AUTS2: variants seen among roughly 807,000 people sequenced by gnomAD.
AUTS2 encodes the protein activator of transcription and developmental regulator AUTS2.
A neutral mutation model predicts 112.4 loss-of-function variants in AUTS2; 17 were observed. The observed-to-expected ratio is 0.15, with a 90% CI of 0.10 to 0.23. The LOEUF (loss-of-function observed/expected upper bound fraction) is 0.23, where lower values mean the gene tolerates loss of function less well. Among genes scored for constraint, AUTS2 ranks in the 10% least tolerant of loss-of-function variants. AUTS2 has a pLI of 1.00. For missense variants in AUTS2, 1,510 were observed against 1,701.6 expected, an observed-to-expected ratio of 0.89 and a Z score of 1.98; for synonymous variants, 751 against 702.7, an observed-to-expected ratio of 1.07 and a Z score of -1.09.
intron 1 of AUTS2, among the ~76,000 whole-genome samples, chr7:69,635,881 T>G (rs1052991949): frequency 6.6e-6 from 1 of 152,250 alleles, no homozygotes; most frequent in African/African-American, 2.4e-5. Flanking sequence ...GAATCCTTTT[T>G]TGTGTGTGCC....
chr7:70,486,927 G>A (rs1283461107), intron 5 of AUTS2, among the ~76,000 whole-genome samples: 2 of 145,684 alleles, frequency 1.4e-5, no homozygotes, highest in Admixed American at 7.0e-5. Flanking sequence ...AGAAGAAAAG[G>A]TTGCATATCA....
At chr7:70,729,371 A>C (rs568184048) in intron 6 of AUTS2, 33 of 256,884 alleles carry the variant, frequency 1.3e-4, no homozygotes, top group Non-Finnish European at 2.4e-4. Context: ...TTACTTCCCC[A>C]GGGGTCTCCT....
At chr7:70,227,746 T>C (rs1017733155) in intron 4 of AUTS2, among the ~76,000 whole-genome samples, 4 of 152,260 alleles carry the variant, frequency 2.6e-5, no homozygotes, top group Admixed American at 1.3e-4. Flanking sequence ...TTTGTGAATT[T>C]CCCAGATTTT....
chr7:69,624,931 C>G (rs1367154897), intron 1 of AUTS2, among the ~76,000 whole-genome samples: 1 of 120,946 alleles, frequency 8.3e-6, no homozygotes, highest in South Asian at 3.4e-4. Context: ...CCTCGGTGCC[C>G]CCGCCCCCCA....
At chr7:70,510,044 G>A (rs1242212689) in intron 5 of AUTS2, among the ~76,000 whole-genome samples, 1 of 152,124 alleles carries the variant, frequency 6.6e-6, no homozygotes, top group African/African-American at 2.4e-5. Context: ...TTGAAGGCTG[G>A]AAGTCCTCTA....
chr7:69,882,243 G>A (rs1371367598), intron 1 of AUTS2, among the ~76,000 whole-genome samples: 1 of 151,242 alleles, frequency 6.6e-6, no homozygotes, highest in Non-Finnish European at 1.5e-5. Context: ...AGGCTGAGGT[G>A]AAAGAATTGA....
At chr7:69,988,294 G>A (rs1798595451) in intron 2 of AUTS2, among the ~76,000 whole-genome samples, 1 of 152,086 alleles carries the variant, frequency 6.6e-6, no homozygotes, top group Non-Finnish European at 1.5e-5. Context: ...TGTTTTTAAG[G>A]GGGACTTTGA....
At chr7:70,339,773 T>C (rs1308393162) in intron 4 of AUTS2, among the ~76,000 whole-genome samples, 3 of 152,182 alleles carry the variant, frequency 2.0e-5, no homozygotes, top group Admixed American at 2.0e-4. Flanking sequence ...ATTTTTTTGG[T>C]TCATGAAGAG....
intron 6 of AUTS2, among the ~76,000 whole-genome samples, chr7:70,707,800 C>T (rs987334457): frequency 2.0e-5 from 3 of 152,116 alleles, no homozygotes; most frequent in African/African-American, 7.2e-5. Context: ...TGTGCCTTTG[C>T]GTGAACTGAT....
chr7:70,447,800 T>C (rs2131016355), intron 5 of AUTS2, among the ~76,000 whole-genome samples: 1 of 152,348 alleles, frequency 6.6e-6, no homozygotes, highest in South Asian at 2.1e-4. Context: ...AAGAAGATGT[T>C]TTGTGATGAG....
chr7:70,730,032 G>A (rs1354093192), intron 6 of AUTS2, among the ~76,000 whole-genome samples: 1 of 152,044 alleles, frequency 6.6e-6, no homozygotes, highest in Non-Finnish European at 1.5e-5. Flanking sequence ...ACAGGCACAC[G>A]CCACCACGCC....
intron 4 of AUTS2, among the ~76,000 whole-genome samples, chr7:70,319,297 G>A: frequency 6.6e-6 from 1 of 152,130 alleles, no homozygotes; most frequent in East Asian, 1.9e-4. Context: ...GGATTTGCGA[G>A]TTGGGGGATG....
intron 5 of AUTS2, among the ~76,000 whole-genome samples, chr7:70,508,990 A>G (rs891273740): frequency 6.6e-5 from 10 of 152,062 alleles, no homozygotes; most frequent in African/African-American, 2.2e-4. Flanking sequence ...TTGCCTCCCT[A>G]TGGTTGCATA....
At chr7:69,902,080 T>A (rs1794991446) in intron 2 of AUTS2, among the ~76,000 whole-genome samples, 1 of 152,236 alleles carries the variant, frequency 6.6e-6, no homozygotes, top group African/African-American at 2.4e-5. Context: ...ATGTTTTTTT[T>A]TCTTTAAAAT....
intron 5 of AUTS2, among the ~76,000 whole-genome samples, chr7:70,590,325 C>T (rs563619055): frequency 9.6e-4 from 146 of 152,204 alleles, no homozygotes; most frequent in Non-Finnish European, 1.6e-3. Context: ...GAGGTTGAAG[C>T]GATTTGCCAA....
At chr7:70,673,093 G>A (rs1439891264) in intron 5 of AUTS2, among the ~76,000 whole-genome samples, 1 of 152,194 alleles carries the variant, frequency 6.6e-6, no homozygotes, top group Non-Finnish European at 1.5e-5. Flanking sequence ...AGGGAAACTG[G>A]CTGGCTGGTA....
chr7:70,514,318 G>A (rs1014379578), intron 5 of AUTS2, among the ~76,000 whole-genome samples: 1 of 152,216 alleles, frequency 6.6e-6, no homozygotes, highest in Non-Finnish European at 1.5e-5. Context: ...AGGAATACCT[G>A]AGACTGGGTA....
At chr7:70,480,878 TGGGTG>T (rs1173132236) in intron 5 of AUTS2, among the ~76,000 whole-genome samples, 1 of 152,062 alleles carries the variant, frequency 6.6e-6, no homozygotes, top group Non-Finnish European at 1.5e-5. Flanking sequence ...CCTCAAAGGT[TGGGTG>T]GGATGTGAGT....
intron 1 of AUTS2, among the ~76,000 whole-genome samples, chr7:69,844,567 A>G (rs557485618): frequency 1.3e-5 from 2 of 152,290 alleles, no homozygotes; most frequent in East Asian, 3.9e-4. Context: ...TATATTTTAT[A>G]CTCATATTAA....
Sources: gnomAD v4.1 joint callset for allele counts (sites outside exome capture counted in the v4.1 genomes callset) on GRCh38, gnomAD v4.1.1 for gene constraint, MANE v1.5 for transcripts, NCBI Gene and HGNC (gene_info 2026-07-23, HGNC 2026-07-21) for gene names.